The following SOX5 variants were observed in gnomAD, a reference collection of about 807,000 sequenced individuals.
SOX5 encodes SRY-box transcription factor 5, also known as transcription factor SOX-5.
A neutral mutation model predicts 92.0 loss-of-function variants in SOX5; 9 were observed. The observed-to-expected ratio is 0.10, with a 90% CI of 0.06 to 0.17. The LOEUF (loss-of-function observed/expected upper bound fraction) is 0.17. SOX5 is among the 10% of genes least tolerant of loss of function. SOX5 has a pLI of 1.00. For missense variants in SOX5, 642 were observed against 944.5 expected, an observed-to-expected ratio of 0.68 and a Z score of 4.20; for synonymous variants, 344 against 336.3, an observed-to-expected ratio of 1.02 and a Z score of -0.25.
intron 4 of SOX5, among the ~76,000 whole-genome samples, chr12:24,023,251 C>G (rs1455765870): frequency 6.6e-6 from 1 of 152,112 alleles, no homozygotes; most frequent in Non-Finnish European, 1.5e-5. Context: ...AGAACAGCTG[C>G]ATCAACAGAG....
intron 4 of SOX5, among the ~76,000 whole-genome samples, chr12:24,052,064 C>G (rs957670113): frequency 1.3e-5 from 2 of 152,174 alleles, no homozygotes; most frequent in Non-Finnish European, 2.9e-5. Flanking sequence ...TTCAATAGAG[C>G]CTTACTTGAC....
intron 1 of SOX5, among the ~76,000 whole-genome samples, chr12:24,487,875 T>G (rs1946676262): frequency 6.6e-6 from 1 of 152,084 alleles, no homozygotes; most frequent in African/African-American, 2.4e-5. Context: ...GACAAAAACT[T>G]TCAATAGAAT....
intron 3 of SOX5, among the ~76,000 whole-genome samples, chr12:24,269,537 T>C (rs1309318075): frequency 6.6e-6 from 1 of 152,192 alleles, no homozygotes; most frequent in African/African-American, 2.4e-5. Context: ...TTTGTGACTA[T>C]TATTGATTTG....
intron 1 of SOX5, among the ~76,000 whole-genome samples, chr12:24,507,261 AAT>A (rs1297441171): frequency 6.6e-6 from 1 of 152,060 alleles, no homozygotes; most frequent in African/African-American, 2.4e-5. Context: ...CCCACTGATC[AAT>A]GTTAACATCC....
intron 2 of SOX5, among the ~76,000 whole-genome samples, chr12:23,880,416 T>C (rs1319319265): frequency 2.0e-5 from 3 of 152,172 alleles, no homozygotes; most frequent in Non-Finnish European, 4.4e-5. Flanking sequence ...AAATTACATA[T>C]TGGATTTTGA....
chr12:24,325,742 A>G (rs1466721828), intron 2 of SOX5, among the ~76,000 whole-genome samples: 1 of 152,210 alleles, frequency 6.6e-6, no homozygotes, highest in Non-Finnish European at 1.5e-5. Context: ...AATAAATCCC[A>G]TAATTAGCAA....
At chr12:24,157,142 T>C (rs893247723) in intron 4 of SOX5, among the ~76,000 whole-genome samples, 53 of 152,140 alleles carry the variant, frequency 3.5e-4, no homozygotes, top group African/African-American at 1.1e-3. Flanking sequence ...CTATTTGATC[T>C]CCATTTTTGT....
chr12:23,867,192 C>T (rs1173880242), intron 2 of SOX5, among the ~76,000 whole-genome samples: 1 of 152,076 alleles, frequency 6.6e-6, no homozygotes, highest in African/African-American at 2.4e-5. Flanking sequence ...CTCACATTTC[C>T]ATCTCATGGA....
intron 3 of SOX5, among the ~76,000 whole-genome samples, chr12:24,274,628 T>C (rs2140352878): frequency 6.6e-6 from 1 of 151,054 alleles, no homozygotes; most frequent in East Asian, 2.0e-4. Context: ...ACATCATGTG[T>C]CTCTTACAAG....
intron 1 of SOX5, among the ~76,000 whole-genome samples, chr12:24,506,784 C>CTTTTTTTTTTTTGTTTTTTTTTT (rs1948800298): frequency 1.2e-5 from 1 of 81,760 alleles, no homozygotes; most frequent in Non-Finnish European, 2.2e-5. Flanking sequence ...TCCAAATGGT[C>CTTTTTTTTTTTTGTTTTTTTTTT]TTTTTTTTTT....
At chr12:24,428,761 C>CAAAAAAAAAAAAA (rs1967056422) in intron 1 of SOX5, among the ~76,000 whole-genome samples, 3 of 52,560 alleles carry the variant, frequency 5.7e-5, no homozygotes, top group Admixed American at 2.4e-4. Flanking sequence ...AAAAAAAAAG[C>CAAAAAAAAAAAAA]TAATTTCCTC....
At chr12:24,295,002 C>A (rs1947038720) in intron 2 of SOX5, among the ~76,000 whole-genome samples, 2 of 151,974 alleles carry the variant, frequency 1.3e-5, no homozygotes, top group African/African-American at 4.8e-5. Context: ...CCAAGCTTTC[C>A]CAAGTTTGTG....
At chr12:24,250,084 A>T (rs1291414505) in intron 3 of SOX5, among the ~76,000 whole-genome samples, 3 of 152,222 alleles carry the variant, frequency 2.0e-5, no homozygotes, top group African/African-American at 4.8e-5. Context: ...TATATCACAA[A>T]GATGTAAGAT....
At chr12:24,336,109 T>G (rs557838784) in intron 2 of SOX5, among the ~76,000 whole-genome samples, 16 of 151,390 alleles carry the variant, frequency 1.1e-4, no homozygotes, top group Non-Finnish European at 1.2e-4. Context: ...TTGTTTGTTT[T>G]TTTGAGACAG....
chr12:24,023,592 T>A (rs1954554375), intron 4 of SOX5, among the ~76,000 whole-genome samples: 1 of 152,092 alleles, frequency 6.6e-6, no homozygotes, highest in South Asian at 2.1e-4. Flanking sequence ...TAAATTTCAT[T>A]GTTCCTTTTA....
intron 8 of SOX5, among the ~76,000 whole-genome samples, chr12:23,625,109 A>G (rs1268712214): frequency 6.6e-6 from 1 of 152,198 alleles, no homozygotes; most frequent in Non-Finnish European, 1.5e-5. Context: ...TAAGAATATA[A>G]CGTAATGATA....
At chr12:23,971,872 T>G (rs1461296338) in intron 4 of SOX5, among the ~76,000 whole-genome samples, 3 of 152,174 alleles carry the variant, frequency 2.0e-5, no homozygotes, top group Non-Finnish European at 2.9e-5. Context: ...AAATTACATA[T>G]TCCTCCAAAT....
chr12:23,740,018 T>A (rs188184321), intron 5 of SOX5, among the ~76,000 whole-genome samples: 27 of 152,302 alleles, frequency 1.8e-4, no homozygotes, highest in Admixed American at 8.5e-4. Context: ...GCCCGGCACA[T>A]AAGAAGCACT....
intron 2 of SOX5, among the ~76,000 whole-genome samples, chr12:24,328,605 A>G (rs1435023750): frequency 6.6e-6 from 1 of 152,200 alleles, no homozygotes; most frequent in African/African-American, 2.4e-5. Context: ...TGCTACTCAG[A>G]TATCCACAAA....
Sources: allele counts gnomAD v4.1 joint callset (sites outside exome capture counted in the v4.1 genomes callset), GRCh38; gene constraint gnomAD v4.1.1; transcripts MANE v1.5; gene names NCBI Gene and HGNC (gene_info 2026-07-23, HGNC 2026-07-21).